GIN1: variants seen among roughly 807,000 people sequenced by gnomAD.
GIN1 encodes gypsy retrotransposon integrase-like protein 1.
A neutral mutation model predicts 51.4 loss-of-function variants in GIN1; 41 were observed. The ratio of observed to expected loss-of-function variants is 0.80; its 90% CI spans 0.62 to 1.04. The LOEUF is 1.04. Ranked by LOEUF, GIN1 falls within the 50% of genes least tolerant of loss-of-function variation. The probability of loss-of-function intolerance (pLI) is 0.00; values close to 1 mark genes in which losing one functional copy is unlikely to be tolerated. For missense variants in GIN1, 610 were observed against 612.4 expected (o/e 1.00, Z 0.04); for synonymous variants, 222 against 206.5 (o/e 1.07, Z -0.64).
chr5:103,112,957 G>C (rs1387327147), intron 1 of GIN1, among the ~76,000 whole-genome samples: 2 of 152,074 alleles, frequency 1.3e-5, no homozygotes, highest in East Asian at 3.9e-4. Context: ...GTTTAGAGTG[G>C]TGTTTTAACA....
At chr5:103,090,006 T>A (rs912285592) in intron 7 of GIN1, among the ~76,000 whole-genome samples, 1 of 152,182 alleles carries the variant, frequency 6.6e-6, no homozygotes, top group Non-Finnish European at 1.5e-5. Flanking sequence ...ATAAAAATCA[T>A]GCAGCCAGGC....
intron 7 of GIN1, among the ~76,000 whole-genome samples, chr5:103,093,029 A>G (rs868983071): frequency 3.0e-4 from 45 of 151,694 alleles, no homozygotes; most frequent in South Asian, 2.1e-4. Flanking sequence ...GGCTCTCTGC[A>G]TAAACTATAT....
At chr5:103,118,580 T>C (rs942096165) in intron 1 of GIN1, among the ~76,000 whole-genome samples, 1 of 152,212 alleles carries the variant, frequency 6.6e-6, no homozygotes, top group Non-Finnish European at 1.5e-5. Context: ...AACAGTCTAA[T>C]GCAGTTCACA....
intron 4 of GIN1, among the ~76,000 whole-genome samples, chr5:103,102,110 T>C (rs1787591100): frequency 6.6e-6 from 1 of 152,222 alleles, no homozygotes; most frequent in South Asian, 2.1e-4. Flanking sequence ...GTGACCTCCA[T>C]TTCTAGAGAT....
At chr5:103,115,934 T>C (rs1554197345) in intron 1 of GIN1, among the ~76,000 whole-genome samples, 1 of 152,218 alleles carries the variant, frequency 6.6e-6, no homozygotes, top group East Asian at 1.9e-4. Flanking sequence ...AATATAACCA[T>C]GGAAGAAAAT....
In GIN1 at chr5:103,097,653, G is replaced by A; in HGVS notation, c.768C>T (p.Asp256=). 6.2e-6 allele frequency: 10 copies of A among 1,611,302 alleles called. No homozygotes were observed. The highest frequency in any genetic ancestry group is 6.8e-6 in the Non-Finnish European group (8 of 1,177,548). The change falls in exon 5 of 8, where the codon GAC becomes GAT. Residue 256 remains aspartate, a synonymous_variant. Transcript: ENST00000399004. ...IKAFLSKHCA[D]HPNNWDDHLS... is the part of the protein sequence containing the mutation. ...GGTGATCATCCCAATTGTTTGGGTG[G>A]TCAGCACAGTGTTTGGAGAGAAATG...
chr5:103,117,528 T>C (rs1788070868), intron 1 of GIN1, among the ~76,000 whole-genome samples: 1 of 150,910 alleles, frequency 6.6e-6, no homozygotes, highest in African/African-American at 2.4e-5. Context: ...GAGAAATAAA[T>C]GATACCCAAT....
intron 7 of GIN1, among the ~76,000 whole-genome samples, chr5:103,092,102 C>T (rs1415412848): frequency 6.6e-6 from 1 of 152,008 alleles, no homozygotes; most frequent in Non-Finnish European, 1.5e-5. Flanking sequence ...CATTGCAGCT[C>T]AGTCTCCCGG....
chr5:103,115,716 AT>A (rs376125875), intron 1 of GIN1, among the ~76,000 whole-genome samples: 1,780 of 150,670 alleles, frequency 0.012, 13 homozygotes, highest in African/African-American at 0.019. Context: ...AATTAAAACA[AT>A]TTTTTTTTTG....
At chr5:103,100,404 A>T (rs57143169) in intron 4 of GIN1, among the ~76,000 whole-genome samples, 2,318 of 149,424 alleles carry the variant, frequency 0.016, 53 homozygotes, top group African/African-American at 0.054. Flanking sequence ...TATTATTATT[A>T]TTTTTTTGAG....
At position 103,087,811 on chromosome 5, in the gene GIN1, ACTT is replaced by A. The variant is rs374017733; in HGVS notation, c.*84_*86del. The stretch of plus-strand genomic sequence containing the variant: ...ATAGTCATTAAGAATGTGTCAAGAT[ACTT>A]CTTCTATACAACGTTTTTAATGAAT... On this transcript the variant is annotated 3_prime_UTR_variant, in exon 8 of 8. Coordinates refer to ENST00000399004, the MANE Select transcript of GIN1 (RefSeq NM_017676.2). 0.016 allele frequency: 9,350 copies of A among 595,574 alleles called. 176 individuals carry two copies. Among genetic ancestry groups the A allele is most frequent in the South Asian group, 0.045 (1,908 of 41,990 alleles). 36.9% of individuals were successfully genotyped at this position (595,574 alleles called of 1,614,324 possible).
intron 2 of GIN1, among the ~76,000 whole-genome samples, chr5:103,108,147 T>C (rs1787777638): frequency 6.6e-6 from 1 of 152,038 alleles, no homozygotes; most frequent in South Asian, 2.1e-4. Flanking sequence ...CAAGGGGACA[T>C]GATCACAGAA....
At position 103,097,722 on chromosome 5, in the gene GIN1, A is replaced by G; in HGVS notation, c.699T>C (p.Ser233=). Residue 233 remains serine, a synonymous_variant, in exon 5 of 8, where the codon TCT becomes TCC. Transcript: ENST00000399004. ...GIKQIVISHT[S]GTVNPTESTP... The stretch of plus-strand genomic sequence containing the variant: ...TACTTTCCGTTGGGTTAACAGTTCC[A>G]GAGGTGTGAGAAATTACAATTTGCT... 6.3e-7 allele frequency: 1 copy of G among 1,589,428 alleles called. No homozygotes were observed. Among genetic ancestry groups the G allele is most frequent in the Non-Finnish European group, 8.6e-7 (1 of 1,157,392 alleles).
intron 1 of GIN1, among the ~76,000 whole-genome samples, chr5:103,116,411 T>C (rs1395180648): frequency 2.0e-5 from 3 of 152,024 alleles, no homozygotes; most frequent in Admixed American, 6.5e-5. Context: ...GCTGTAACAA[T>C]TAAACATCCT....
chr5:103,111,526 T>C (rs1357901548), intron 1 of GIN1, among the ~76,000 whole-genome samples: 1 of 152,134 alleles, frequency 6.6e-6, no homozygotes, highest in African/African-American at 2.4e-5. Context: ...ATTTCCTTCC[T>C]TTTAGAGACC....
At position 103,104,621 on chromosome 5, in the gene GIN1, T is replaced by C. The variant is rs782593097; in HGVS notation, c.559A>G (p.Lys187Glu). 2 of 1,580,444 alleles carry C rather than the reference T, an allele frequency of 1.3e-6. No homozygotes were observed. The highest frequency in any genetic ancestry group is 1.7e-5 in the Admixed American group (1 of 59,956). Residue 187 changes from lysine (K) to glutamate (E), a missense_variant, in exon 4 of 8, where the codon AAA becomes GAA. Lys to Glu is a moderately conservative substitution (Grantham distance 56). Coordinates refer to ENST00000399004, the MANE Select transcript of GIN1 (RefSeq NM_017676.2). ...LCDVSASEVS[K>E]AIINIFFLYG... ...AAGAAAAATATATTGATAATAGCTT[T>C]AGAAACTTCTGATGCTGAAACATCA...
chr5:103,089,946 T>C (rs572842553), intron 7 of GIN1, among the ~76,000 whole-genome samples: 1 of 152,218 alleles, frequency 6.6e-6, no homozygotes, highest in African/African-American at 2.4e-5. Flanking sequence ...TGGGCTTGTA[T>C]GGCCATTTAT....
intron 4 of GIN1, among the ~76,000 whole-genome samples, chr5:103,103,896 C>T (rs1787645224): frequency 6.6e-6 from 1 of 152,066 alleles, no homozygotes; most frequent in South Asian, 2.1e-4. Context: ...CTCAAGTGAT[C>T]CTCCTATCTC....
intron 4 of GIN1, among the ~76,000 whole-genome samples, chr5:103,101,824 T>C (rs1554195821): frequency 1.3e-5 from 2 of 152,224 alleles, no homozygotes; most frequent in African/African-American, 4.8e-5. Context: ...TTAATAAAGC[T>C]TCATTTCTTA....
Sources: gnomAD v4.1 joint callset for allele counts (sites outside exome capture counted in the v4.1 genomes callset) on GRCh38, gnomAD v4.1.1 for gene constraint, MANE v1.5 for transcripts, NCBI Gene and HGNC (gene_info 2026-07-23, HGNC 2026-07-21) for gene names.